The following ANKRD17 variants were observed in gnomAD, a reference collection of about 807,000 sequenced individuals.
The protein encoded by ANKRD17 is ankyrin repeat domain 17.
Under a neutral mutation model 229.7 loss-of-function variants are expected in ANKRD17, and 19 were observed. That is an observed-to-expected ratio of 0.08 (90% CI 0.06 to 0.12). ANKRD17 has a LOEUF of 0.12. Ranked by LOEUF, ANKRD17 falls within the 10% of genes least tolerant of loss-of-function variation. The probability of loss-of-function intolerance (pLI) is 1.00; values close to 1 mark genes in which losing one functional copy is unlikely to be tolerated. For synonymous variants in ANKRD17, 1,112 were observed against 1,146.1 expected, an observed-to-expected ratio of 0.97 and a Z score of 0.60; for missense variants, 2,176 against 3,176.8, an observed-to-expected ratio of 0.68 and a Z score of 7.57.
chr4:73,162,778 C>T (rs564230733), intron 2 of ANKRD17, among the ~76,000 whole-genome samples: 1 of 152,234 alleles, frequency 6.6e-6, no homozygotes, highest in South Asian at 2.1e-4. Context: ...ATTCTTACCC[C>T]TAACCTTTAT....
At chr4:73,077,219 C>A in intron 32 of ANKRD17, 115 bp from the exon 33 acceptor site, 1 of 1,330,664 alleles carries the variant, frequency 7.5e-7, no homozygotes. Flanking sequence ...GAATGTGTAA[C>A]TTATCTAAGA....
intron 2 of ANKRD17, among the ~76,000 whole-genome samples, chr4:73,161,931 C>T (rs193128989): frequency 1.2e-4 from 19 of 152,022 alleles, no homozygotes; most frequent in East Asian, 1.2e-3. Flanking sequence ...AGCTGGAGTA[C>T]GGTGGCATGA....
chr4:73,102,531 C>T lies in ANKRD17; in HGVS notation c.4418G>A (p.Arg1473Gln). ...LDLEKLREESRRLALAAKREK... is the reference protein window; with the variant it reads ...LDLEKLREESQRLALAAKREK... ...TCTTTTCGCAGCCAAAGCCAGCCTC[C>T]GACTTTCTTCCCTTAACTGTTAAAG... The change falls in exon 25 of 34, where the codon CGG becomes CAG. Residue 1473 changes from arginine (R) to glutamine (Q), a missense_variant. Physicochemically the swap from Arg to Gln is conservative, Grantham distance 43 (BLOSUM62 1). Around this residue, in one of 18 missense-constraint regions of ANKRD17, gnomAD observed 14 missense variants for 36.1 expected, o/e 0.39. Transcript: ENST00000358602. The T allele has an allele frequency of 6.3e-7, 1 of 1,598,588 alleles. No individual in the cohort carries two copies. Among genetic ancestry groups the T allele is most frequent in the Non-Finnish European group, 8.5e-7 (1 of 1,176,942 alleles).
chr4:73,140,372 T>G, intron 14 of ANKRD17, 89 bp from the exon 15 acceptor site: 12 of 1,346,560 alleles, frequency 8.9e-6, no homozygotes, highest in Non-Finnish European at 1.2e-5. Context: ...CCAACAGTTA[T>G]GCACTAAGTA....
chr4:73,106,852 C>G (rs1724699945), intron 24 of ANKRD17, among the ~76,000 whole-genome samples: 1 of 144,988 alleles, frequency 6.9e-6, no homozygotes, highest in Non-Finnish European at 1.5e-5. Flanking sequence ...GCCCTCCAGC[C>G]TGGCAATGGA....
chr4:73,131,078 T>C (rs80342730), intron 16 of ANKRD17, among the ~76,000 whole-genome samples: 169 of 152,308 alleles, frequency 1.1e-3, no homozygotes, highest in African/African-American at 3.9e-3. Context: ...TCCCAAATAA[T>C]TCCTTCAAAC....
At chr4:73,188,213 A>G (rs1736552757) in intron 1 of ANKRD17, among the ~76,000 whole-genome samples, 1 of 152,158 alleles carries the variant, frequency 6.6e-6, no homozygotes, top group African/African-American at 2.4e-5. Flanking sequence ...GCCTACTATT[A>G]ACTCTCAGAA....
At position 73,177,435 on chromosome 4, in the gene ANKRD17, G is replaced by C. The variant is rs766308292; in HGVS notation, c.492C>G (p.Leu164=). The C allele has an allele frequency of 1.9e-6, 3 of 1,613,442 alleles. No homozygotes were observed. The South Asian group carries it at 3.3e-5, about 18-fold the overall frequency. Residue 164 remains leucine (L), a synonymous_variant, in exon 2 of 34, where the codon CTC becomes CTG. Transcript: ENST00000358602. ...CCTGTGTTTCTGGATCTACTGTCCTGAGGTCTGCACCATCAGCAGTACCTG... is the reference window on the plus strand; with the variant it reads ...CCTGTGTTTCTGGATCTACTGTCCTCAGGTCTGCACCATCAGCAGTACCTG... ...LLSGTADGAD[L]RTVDPETQAR... is the part of the protein sequence containing the mutation.
intron 13 of ANKRD17, 60 bp downstream of exon 13, chr4:73,142,182 A>G: frequency 6.8e-7 from 1 of 1,460,484 alleles, no homozygotes; most frequent in East Asian, 2.5e-5. Context: ...AGAAACTGTA[A>G]GTGAAAGAAT....
At position 73,084,966 on chromosome 4, in the gene ANKRD17, C is replaced by T. The variant is rs910936031; in HGVS notation, c.7159+283G>A. Among the ~76,000 whole-genome samples, 32 of 152,122 alleles carry T rather than the reference C, an allele frequency of 2.1e-4. 2 individuals carry two copies. Among genetic ancestry groups the T allele is most frequent in the Admixed American group, 1.5e-3 (23 of 15,270 alleles). ...TGGAAGGCAGGAAGACTGCTTCAGCCCAGGAGTTTGACGAAACCAGCGAGG... is the reference window on the plus strand; with the variant it reads ...TGGAAGGCAGGAAGACTGCTTCAGCTCAGGAGTTTGACGAAACCAGCGAGG... On this transcript the variant is annotated intron_variant, in intron 30 of 33. Coordinates refer to ENST00000358602, the MANE Select transcript of ANKRD17 (RefSeq NM_032217.5).
chr4:73,145,763 T>C (rs1001018750), intron 10 of ANKRD17, among the ~76,000 whole-genome samples: 1 of 152,190 alleles, frequency 6.6e-6, no homozygotes, highest in Non-Finnish European at 1.5e-5. Flanking sequence ...GTTAGTTGTG[T>C]GCTTATGTCT....
In ANKRD17 at chr4:73,140,162, C is replaced by A; in HGVS notation, c.2454G>T (p.Leu818=). 1.9e-6 allele frequency: 3 copies of A among 1,614,140 alleles called. No homozygotes were observed. Among genetic ancestry groups the A allele is most frequent in the Non-Finnish European group, 1.7e-6 (2 of 1,180,018 alleles). The stretch of plus-strand genomic sequence containing the variant: ...CTATGGCTTCTTTTATCCTCTGTTC[C>A]AGTTCTGTTAACTTTCCCTGAGCCT... ...VEEAQGKLTE[L]EQRIKEAIEK... Residue 818 remains leucine, a synonymous_variant, in exon 15 of 34, where the codon CTG becomes CTT. Transcript: ENST00000358602.
rs182680994 is a variant in ANKRD17, at chr4:73,229,092, T to C, written c.393+29184A>G. Among the ~76,000 whole-genome samples, 700 of 152,004 alleles carry C rather than the reference T, an allele frequency of 4.6e-3. 7 individuals carry two copies. Among genetic ancestry groups the C allele is most frequent in the African/African-American group, 0.016 (657 of 41,446 alleles). On this transcript the variant is annotated intron_variant, in intron 1 of 33. Coordinates refer to ENST00000358602, the MANE Select transcript of ANKRD17 (RefSeq NM_032217.5). ...GGTGGGAATTGAACAATGAGAACAC[T>C]TGGACACAGGAAGGGGAACATCACA...
Position 73,098,790 on chromosome 4 carries a change from C to G in ANKRD17, c.4574-270G>C. 6.4e-6 allele frequency: 9 copies of G among 1,402,372 alleles called. No individual in the cohort carries two copies. The South Asian group carries it at 1.1e-4, about 17-fold the overall frequency. 86.9% of individuals were successfully genotyped at this position (1,402,372 alleles called of 1,614,324 possible). ...GCTCCAGGAAGGCCATTCCAGCCAT[C>G]AATCTTCCACCTGCTCCTTAGAGAA... is the stretch of plus-strand genomic sequence containing the variant. On this transcript the variant is annotated intron_variant, in intron 25 of 33. Coordinates refer to ENST00000358602, the MANE Select transcript of ANKRD17 (RefSeq NM_032217.5).
At chr4:73,081,572 T>C (rs978554217) in intron 30 of ANKRD17, among the ~76,000 whole-genome samples, 9 of 152,244 alleles carry the variant, frequency 5.9e-5, no homozygotes, top group African/African-American at 2.2e-4. Flanking sequence ...CAGAGCCATG[T>C]TATTTAAAAA....
At chr4:73,105,797 A>G (rs868338967) in intron 24 of ANKRD17, among the ~76,000 whole-genome samples, 35 of 152,170 alleles carry the variant, frequency 2.3e-4, no homozygotes, top group African/African-American at 6.8e-4. Flanking sequence ...AATTTGAGAA[A>G]AAGTTCCATT....
intron 3 of ANKRD17, among the ~76,000 whole-genome samples, chr4:73,160,543 T>C (rs963142526): frequency 1.6e-4 from 25 of 152,074 alleles, no homozygotes; most frequent in Admixed American, 1.3e-3. Context: ...ACATCCATAA[T>C]TGTGTTTATA....
At chr4:73,111,639 T>C (rs898921876) in intron 24 of ANKRD17, among the ~76,000 whole-genome samples, 2 of 152,212 alleles carry the variant, frequency 1.3e-5, no homozygotes, top group Non-Finnish European at 2.9e-5. Flanking sequence ...TTTATTACAA[T>C]ATTATTTGTC....
chr4:73,153,044 A>C (rs1043522898), intron 6 of ANKRD17, among the ~76,000 whole-genome samples: 4 of 152,202 alleles, frequency 2.6e-5, no homozygotes, highest in African/African-American at 9.6e-5. Flanking sequence ...GAACAAAACA[A>C]CACCAGGGCC....
Sources: gnomAD v4.1 joint callset for allele counts (sites outside exome capture counted in the v4.1 genomes callset) on GRCh38, gnomAD v4.1.1 for gene constraint, gnomAD v4.1.1 regional missense constraint, MANE v1.5 for transcripts, NCBI Gene and HGNC (gene_info 2026-07-23, HGNC 2026-07-21) for gene names.